The following B3GALT1 variants were observed in gnomAD, a reference collection of about 807,000 sequenced individuals.
B3GALT1 encodes beta-1,3-galactosyltransferase 1.
Under a neutral mutation model 23.2 loss-of-function variants are expected in B3GALT1, and 10 were observed. The observed-to-expected ratio is 0.43, with a 90% confidence interval of 0.27 to 0.73. The LOEUF (loss-of-function observed/expected upper bound fraction) is 0.73, where lower values mean the gene tolerates loss of function less well. B3GALT1 is among the 30% of genes least tolerant of loss of function. B3GALT1 has a pLI of 0.21. For missense variants in B3GALT1, 299 were observed against 405.4 expected (o/e 0.74, Z 2.25); for synonymous variants, 156 against 141.5 (o/e 1.10, Z -0.73).
At chr2:167,522,908 G>A (rs1338576103) in intron 2 of B3GALT1, among the ~76,000 whole-genome samples, 1 of 152,156 alleles carries the variant, frequency 6.6e-6, no homozygotes, top group Non-Finnish European at 1.5e-5. Flanking sequence ...GCATTCTAAA[G>A]CATGAAGGTG....
At chr2:167,790,790 T>C (rs1281104913) in intron 3 of B3GALT1, among the ~76,000 whole-genome samples, 1 of 152,216 alleles carries the variant, frequency 6.6e-6, no homozygotes, top group African/African-American at 2.4e-5. Context: ...TAATTTGCCA[T>C]TTATTGTTCT....
intron 4 of B3GALT1, among the ~76,000 whole-genome samples, chr2:167,831,065 T>C (rs1157895611): frequency 6.6e-6 from 1 of 152,236 alleles, no homozygotes; most frequent in Non-Finnish European, 1.5e-5. Flanking sequence ...TTACTATCAA[T>C]AACTGTCACA....
chr2:167,679,047 C>T (rs1686478909), intron 3 of B3GALT1, among the ~76,000 whole-genome samples: 1 of 151,220 alleles, frequency 6.6e-6, no homozygotes, highest in African/African-American at 2.4e-5. Context: ...TCTTTTGTAC[C>T]TCTTCTGTTC....
chr2:167,745,168 A>G (rs60265905), intron 3 of B3GALT1, among the ~76,000 whole-genome samples: 22,363 of 148,642 alleles, frequency 0.15, 2,184 homozygotes, highest in East Asian at 0.28. Flanking sequence ...TGGTTGCCCT[A>G]GAAGTTTTAA....
chr2:167,746,230 A>T (rs1303890938), intron 3 of B3GALT1, among the ~76,000 whole-genome samples: 1 of 152,242 alleles, frequency 6.6e-6, no homozygotes, highest in Non-Finnish European at 1.5e-5. Context: ...TTCACTTAAA[A>T]GAAATTTAAG....
At chr2:167,510,985 A>G (rs866192899) in intron 2 of B3GALT1, among the ~76,000 whole-genome samples, 16 of 152,324 alleles carry the variant, frequency 1.1e-4, no homozygotes, top group African/African-American at 1.9e-4. Context: ...ATTAGAATCA[A>G]TAAAAAAAGA....
At chr2:167,796,847 A>G (rs1314162145) in intron 3 of B3GALT1, among the ~76,000 whole-genome samples, 2 of 152,232 alleles carry the variant, frequency 1.3e-5, no homozygotes, top group Non-Finnish European at 2.9e-5. Context: ...ATAGAAATGA[A>G]TATGATAGAT....
intron 2 of B3GALT1, among the ~76,000 whole-genome samples, chr2:167,584,483 A>G (rs1211984585): frequency 6.6e-6 from 1 of 152,140 alleles, no homozygotes; most frequent in East Asian, 1.9e-4. Context: ...TCTCCCTACC[A>G]AGCAAGCAAT....
At chr2:167,663,419 A>G (rs1451160109) in intron 3 of B3GALT1, among the ~76,000 whole-genome samples, 1 of 151,938 alleles carries the variant, frequency 6.6e-6, no homozygotes, top group East Asian at 1.9e-4. Flanking sequence ...CGCAATAAAC[A>G]TACGTGTGCA....
At chr2:167,847,378 A>G (rs1162487479) in intron 4 of B3GALT1, among the ~76,000 whole-genome samples, 1 of 152,250 alleles carries the variant, frequency 6.6e-6, no homozygotes, top group Non-Finnish European at 1.5e-5. Context: ...TTGAAATTAT[A>G]TCAAGCACTC....
intron 3 of B3GALT1, among the ~76,000 whole-genome samples, chr2:167,670,806 G>T (rs1290604239): frequency 6.6e-6 from 1 of 152,032 alleles, no homozygotes; most frequent in Middle Eastern, 3.2e-3. Flanking sequence ...TTAAACAAAA[G>T]AAAGAATTTG....
intron 1 of B3GALT1, among the ~76,000 whole-genome samples, chr2:167,410,357 G>A (rs1444012005): frequency 3.3e-5 from 5 of 152,074 alleles, no homozygotes; most frequent in African/African-American, 9.7e-5. Flanking sequence ...CAGGCGCAGT[G>A]GCAGACGCCT....
At chr2:167,753,734 T>C (rs1432602524) in intron 3 of B3GALT1, among the ~76,000 whole-genome samples, 2 of 152,234 alleles carry the variant, frequency 1.3e-5, no homozygotes, top group African/African-American at 4.8e-5. Flanking sequence ...CTGTTCTACA[T>C]TGCAGACCTT....
chr2:167,756,254 C>T (rs910612602), intron 3 of B3GALT1, among the ~76,000 whole-genome samples: 1 of 151,852 alleles, frequency 6.6e-6, no homozygotes, highest in Non-Finnish European at 1.5e-5. Context: ...AAAGGTTATG[C>T]GTTAGGTTTT....
At chr2:167,532,629 G>A (rs866681770) in intron 2 of B3GALT1, among the ~76,000 whole-genome samples, 4 of 151,466 alleles carry the variant, frequency 2.6e-5, no homozygotes, top group Middle Eastern at 3.2e-3. Flanking sequence ...AAAAAATAAC[G>A]TTCATACTCA....
chr2:167,629,925 T>A (rs542177610), intron 2 of B3GALT1, among the ~76,000 whole-genome samples: 1 of 151,948 alleles, frequency 6.6e-6, no homozygotes, highest in East Asian at 1.9e-4. Flanking sequence ...ACTAACCATA[T>A]CACACAATTG....
intron 1 of B3GALT1, among the ~76,000 whole-genome samples, chr2:167,354,183 A>G (rs1697363497): frequency 6.6e-6 from 1 of 152,096 alleles, no homozygotes; most frequent in East Asian, 1.9e-4. Context: ...TCAGTTTTAT[A>G]TACTTCTTTT....
At chr2:167,776,257 G>T (rs866402679) in intron 3 of B3GALT1, among the ~76,000 whole-genome samples, 1 of 152,100 alleles carries the variant, frequency 6.6e-6, no homozygotes, top group Non-Finnish European at 1.5e-5. Context: ...TGTAAACTAC[G>T]TAAGGGAGTG....
At chr2:167,812,126 C>G (rs1346164528) in intron 3 of B3GALT1, among the ~76,000 whole-genome samples, 1 of 152,204 alleles carries the variant, frequency 6.6e-6, no homozygotes, top group African/African-American at 2.4e-5. Context: ...TGTCATTTCT[C>G]ACTAGAGCTA....
Sources: allele counts gnomAD v4.1 joint callset (sites outside exome capture counted in the v4.1 genomes callset), GRCh38; gene constraint gnomAD v4.1.1; transcripts MANE v1.5; gene names NCBI Gene and HGNC (gene_info 2026-07-23, HGNC 2026-07-21).